IQSEC1: variants seen among roughly 807,000 people sequenced by gnomAD.
IQSEC1 encodes the protein IQ motif and SEC7 domain-containing protein 1.
In IQSEC1, 31 loss-of-function variants were observed where a neutral mutation model predicts 91.0. The ratio of observed to expected loss-of-function variants is 0.34; its 90% CI spans 0.26 to 0.46. The LOEUF is 0.46. Among genes scored for constraint, IQSEC1 ranks in the 20% least tolerant of loss-of-function variants. IQSEC1 has a pLI of 1.00. For missense variants in IQSEC1, 1,388 were observed against 1,575.6 expected (o/e 0.88, Z 2.02); for synonymous variants, 699 against 662.6 (o/e 1.05, Z -0.84).
At chr3:12,964,704 T>C (rs985645925) in intron 1 of IQSEC1, among the ~76,000 whole-genome samples, 4 of 152,170 alleles carry the variant, frequency 2.6e-5, no homozygotes, top group Non-Finnish European at 4.4e-5. Context: ...AAACAAAATC[T>C]GTTTGCCTCC....
chr3:13,260,480 C>T (rs1695362372), intron 1 of IQSEC1, among the ~76,000 whole-genome samples: 1 of 152,216 alleles, frequency 6.6e-6, no homozygotes, highest in East Asian at 1.9e-4. Context: ...ATGATTTTCT[C>T]ATCTTTCACT....
rs3072722 is a variant in IQSEC1 at position 13,009,667 on chromosome 3, A to ATGTG, written c.23+63321_23+63324dup. Among the ~76,000 whole-genome samples, 692 of 150,180 alleles carry ATGTG rather than the reference A, an allele frequency of 4.6e-3. 7 individuals carry two copies. Among genetic ancestry groups the ATGTG allele is most frequent in the African/African-American group, 0.014 (551 of 40,772 alleles). On this transcript the variant is annotated intron_variant, in intron 1 of 13. Transcript: ENST00000613206. ...ATAATTAGTATGTTTGTATATATAT[A>ATGTG]TGTGTGTGTGTGTGTGTGTGTATGT...
At chr3:13,144,765 C>T (rs929803302) in intron 2 of IQSEC1, among the ~76,000 whole-genome samples, 2 of 152,216 alleles carry the variant, frequency 1.3e-5, no homozygotes, top group African/African-American at 2.4e-5. Flanking sequence ...CCTGGAGGCA[C>T]GAAAAGGCCA....
rs72408840 is a variant in IQSEC1 at position 12,900,451 on chromosome 3, G to GTA, written c.*530_*531dup. The stretch of plus-strand genomic sequence containing the variant: ...TTCACACACAAGTACTACCTATACA[G>GTA]TATATATATATATATATTTATATAT... On this transcript the variant is annotated 3_prime_UTR_variant, in exon 14 of 14. Transcript: ENST00000613206. The GTA allele has an allele frequency of 0.015, 10,087 of 682,534 alleles. 18 individuals carry two copies. The highest frequency in any genetic ancestry group is 0.016 in the Non-Finnish European group (8,847 of 557,218). The allele number at this position is 682,534 out of a possible 1,614,324, so 42.3% of individuals were successfully genotyped here.
At chr3:13,173,554 G>A (rs561587152) in intron 1 of IQSEC1, among the ~76,000 whole-genome samples, 2 of 152,360 alleles carry the variant, frequency 1.3e-5, no homozygotes, top group South Asian at 2.1e-4. Context: ...CCAGACTGTA[G>A]AGGCCCTTGG....
At chr3:13,058,138 T>G (rs1341036836) in intron 1 of IQSEC1, among the ~76,000 whole-genome samples, 1 of 152,098 alleles carries the variant, frequency 6.6e-6, no homozygotes, top group Non-Finnish European at 1.5e-5. Flanking sequence ...CCGGGCGTGG[T>G]GGCAGGTGCC....
At chr3:12,982,305 G>A (rs2125590810) in intron 1 of IQSEC1, among the ~76,000 whole-genome samples, 1 of 152,276 alleles carries the variant, frequency 6.6e-6, no homozygotes, top group East Asian at 1.9e-4. Context: ...TCCCAAAATT[G>A]TTTATGGGTG....
chr3:13,069,487 C>A (rs1359049171), intron 1 of IQSEC1, among the ~76,000 whole-genome samples: 3 of 152,188 alleles, frequency 2.0e-5, no homozygotes, highest in Non-Finnish European at 4.4e-5. Context: ...TTCATGAAGG[C>A]CCCACTGCAA....
intron 2 of IQSEC1, among the ~76,000 whole-genome samples, chr3:13,104,137 C>T (rs1008865302): frequency 2.6e-5 from 4 of 152,114 alleles, no homozygotes; most frequent in African/African-American, 9.7e-5. Context: ...CTGTCAGCTC[C>T]GATGGGCAAG....
At chr3:13,249,386 A>G (rs967947839) in intron 1 of IQSEC1, among the ~76,000 whole-genome samples, 1 of 151,502 alleles carries the variant, frequency 6.6e-6, no homozygotes, top group East Asian at 1.9e-4. Context: ...GTTAGCCAGG[A>G]TGGTCTCGAT....
At chr3:13,149,386 G>C (rs1405541276) in intron 2 of IQSEC1, among the ~76,000 whole-genome samples, 2 of 150,878 alleles carry the variant, frequency 1.3e-5, no homozygotes, top group Admixed American at 6.6e-5. Context: ...CCACTCAGGG[G>C]AGGGAAGCAC....
At chr3:13,093,237 T>A (rs1482835236) in intron 2 of IQSEC1, among the ~76,000 whole-genome samples, 2 of 151,840 alleles carry the variant, frequency 1.3e-5, no homozygotes, top group Admixed American at 6.5e-5. Flanking sequence ...GGAGACATCG[T>A]CCCTCAGCCA....
chr3:13,169,624 C>T (rs1198832272), intron 1 of IQSEC1, among the ~76,000 whole-genome samples: 2 of 152,208 alleles, frequency 1.3e-5, no homozygotes, highest in Non-Finnish European at 2.9e-5. Flanking sequence ...ATATGGACAA[C>T]AAAGTCCAGG....
At chr3:13,261,828 T>C (rs1160426016) in intron 1 of IQSEC1, among the ~76,000 whole-genome samples, 1 of 152,218 alleles carries the variant, frequency 6.6e-6, no homozygotes, top group African/African-American at 2.4e-5. Flanking sequence ...CAAGCCTTGT[T>C]AGGCAAGACC....
intron 1 of IQSEC1, among the ~76,000 whole-genome samples, chr3:12,985,490 T>TCCC (rs58897746): frequency 2.8e-5 from 4 of 143,698 alleles, no homozygotes; most frequent in African/African-American, 1.0e-4. Context: ...TGCTTAACAA[T>TCCC]CCCCCCCCCC....
At chr3:13,270,221 A>G (rs1695570319) in intron 1 of IQSEC1, among the ~76,000 whole-genome samples, 1 of 152,254 alleles carries the variant, frequency 6.6e-6, no homozygotes, top group South Asian at 2.1e-4. Flanking sequence ...TGATCTGCAA[A>G]ATGAGATATA....
chr3:13,011,689 T>G lies in IQSEC1; in HGVS notation c.23+61303A>C, dbSNP rs371483142. Among the ~76,000 whole-genome samples the G allele has an allele frequency of 2.2e-4, 33 of 152,364 alleles. No homozygotes were observed. In the South Asian group the frequency reaches 4.8e-3, roughly 22 times the overall value. ...AGGCAGGTGGCTGTCCACACCCACTTCTGTGTGGGGGCCTCTGGCGTCACA... is the reference window on the plus strand; with the variant it reads ...AGGCAGGTGGCTGTCCACACCCACTGCTGTGTGGGGGCCTCTGGCGTCACA... On this transcript the variant is annotated intron_variant, in intron 1 of 13. Transcript: ENST00000613206.
chr3:13,272,645 C>T (rs756938941), intron 1 of IQSEC1, among the ~76,000 whole-genome samples: 1 of 152,136 alleles, frequency 6.6e-6, no homozygotes, highest in Non-Finnish European at 1.5e-5. Context: ...TTACACATCT[C>T]GATGTCCGGC....
At chr3:13,256,660 C>T (rs1274223338) in intron 1 of IQSEC1, among the ~76,000 whole-genome samples, 2 of 152,234 alleles carry the variant, frequency 1.3e-5, no homozygotes, top group Non-Finnish European at 2.9e-5. Context: ...GCTGGGGATG[C>T]AGAAGGGACC....
Sources: gnomAD v4.1 joint callset for allele counts (sites outside exome capture counted in the v4.1 genomes callset) on GRCh38, gnomAD v4.1.1 for gene constraint, MANE v1.5 for transcripts, NCBI Gene and HGNC (gene_info 2026-07-23, HGNC 2026-07-21) for gene names.